COL4A3: variants seen among roughly 807,000 people sequenced by gnomAD.
The protein encoded by COL4A3 is collagen type IV alpha 3 chain.
COL4A3 carries 135 observed loss-of-function variants against 217.4 expected under a neutral mutation model. The ratio of observed to expected loss-of-function variants is 0.62; its 90% CI spans 0.54 to 0.72. The LOEUF (loss-of-function observed/expected upper bound fraction) is 0.72, where lower values mean the gene tolerates loss of function less well. Ranked by LOEUF, COL4A3 falls within the 30% of genes least tolerant of loss-of-function variation. The probability of loss-of-function intolerance (pLI) is 0.00; values close to 1 mark genes in which losing one functional copy is unlikely to be tolerated. For synonymous variants in COL4A3, 690 were observed against 736.3 expected (o/e 0.94, Z 1.02); for missense variants, 1,868 against 2,119.9 (o/e 0.88, Z 2.33).
At chr2:227,257,541 CT>C in intron 17 of COL4A3, 61 bp from the exon 18 acceptor site, 1 of 1,392,618 alleles carries the variant, frequency 7.2e-7, no homozygotes, top group Non-Finnish European at 1.0e-6. Flanking sequence ...GTACATCTTG[CT>C]TTTTATATGT....
At position 227,293,261 on chromosome 2, in the gene COL4A3, T is replaced by C. The variant is rs775409074; in HGVS notation, c.3281T>C (p.Leu1094Ser). ...GGGCAACCTGGCCCACCTGGACATT[T>C]GGGGCCTGCTGGACCTGAGGGAGCC... Reference protein sequence around the residue: ...EMGQPGPPGHLGPAGPEGAPG... With the variant: ...EMGQPGPPGHSGPAGPEGAPG... Residue 1094 changes from leucine to serine, a missense_variant, in exon 38 of 52, where the codon TTG (leucine) becomes TCG (serine). Around this residue, in one of 2 missense-constraint regions of COL4A3, gnomAD observed 1,503 missense variants for 1,786.1 expected, o/e 0.84. Transcript: ENST00000396578. 1.9e-6 allele frequency: 3 copies of C among 1,613,870 alleles called. No homozygotes were observed. The South Asian group carries it at 3.3e-5, about 18-fold the overall frequency.
chr2:227,194,053 G>GA (rs1553735385), intron 1 of COL4A3, among the ~76,000 whole-genome samples: 2 of 18,234 alleles, frequency 1.1e-4, no homozygotes, highest in African/African-American at 1.8e-4. Context: ...AAGAGAAGGA[G>GA]AGGAGAAGGA....
chr2:227,288,020 A>G lies in COL4A3; in HGVS notation c.2882-1130A>G, dbSNP rs570606694. Reference sequence around the variant, plus strand: ...TTGAGAAAAAGCACAAAGGCAGGCTATAGACAGATTGCAGAATGCTTCATG... The same window carrying G: ...TTGAGAAAAAGCACAAAGGCAGGCTGTAGACAGATTGCAGAATGCTTCATG... On this transcript the variant is annotated intron_variant, in intron 34 of 51. Coordinates refer to ENST00000396578, the MANE Select transcript of COL4A3 (RefSeq NM_000091.5). Among the ~76,000 whole-genome samples the G allele has an allele frequency of 8.5e-4, 130 of 152,360 alleles. 1 individual carries two copies. Among genetic ancestry groups the G allele is most frequent in the African/African-American group, 3.1e-3 (128 of 41,588 alleles).
At position 227,313,049 on chromosome 2, in the gene COL4A3, A is replaced by C. The variant is rs1244048684; in HGVS notation, c.*1179A>C. On this transcript the variant is annotated 3_prime_UTR_variant, in exon 52 of 52. Transcript: ENST00000396578. ...ATAACTTGGCCGCTGTATGTCTTAAAACCTGCTTTTCAATGTGTTGATACA... is the reference window on the plus strand; with the variant it reads ...ATAACTTGGCCGCTGTATGTCTTAACACCTGCTTTTCAATGTGTTGATACA... The C allele has an allele frequency of 6.6e-6, 1 of 152,592 alleles. No individual in the cohort carries two copies. The highest frequency in any genetic ancestry group is 2.4e-5 in the African/African-American group (1 of 41,436). 9.5% of individuals were successfully genotyped at this position (152,592 alleles called of 1,614,324 possible). A position where few individuals can be genotyped will look rare whatever the true frequency, so the allele number is the denominator to read the frequency against.
chr2:227,272,361 T>C (rs765781067), intron 25 of COL4A3, among the ~76,000 whole-genome samples: 12 of 152,236 alleles, frequency 7.9e-5, no homozygotes, highest in African/African-American at 2.9e-4. Flanking sequence ...TCTGATGATA[T>C]TGAACAATGA....
chr2:227,168,011 A>G (rs1013826628), intron 1 of COL4A3, among the ~76,000 whole-genome samples: 2 of 152,210 alleles, frequency 1.3e-5, no homozygotes, highest in Non-Finnish European at 2.9e-5. Context: ...TTATCACTCC[A>G]TATTATGTTT....
At chr2:227,175,500 A>G (rs1022925464) in intron 1 of COL4A3, among the ~76,000 whole-genome samples, 4 of 152,052 alleles carry the variant, frequency 2.6e-5, no homozygotes, top group Admixed American at 6.6e-5. Flanking sequence ...ACCAAGACAA[A>G]CAGAGCTTTT....
chr2:227,205,194 AAT>A (rs1456726000), intron 1 of COL4A3, among the ~76,000 whole-genome samples: 1 of 149,242 alleles, frequency 6.7e-6, no homozygotes, highest in Non-Finnish European at 1.5e-5. Flanking sequence ...GTATATTAAA[AAT>A]AGAGACTACA....
rs555436291 is a variant in COL4A3 at position 227,240,601 on chromosome 2, G to A, written c.234+369G>A. ...TTTGGGATTCCTTGTTCCACGAGGT[G>A]CCTCCCCTCTCTCCGGACATTCCAA... On this transcript the variant is annotated intron_variant, in intron 3 of 51. Transcript: ENST00000396578. Among the ~76,000 whole-genome samples, 16 of 152,258 alleles carry A rather than the reference G, an allele frequency of 1.1e-4. No individual in the cohort carries two copies. The East Asian group carries it at 2.9e-3, about 28-fold the overall frequency.
At chr2:227,197,556 G>A (rs886804804) in intron 1 of COL4A3, among the ~76,000 whole-genome samples, 1 of 152,032 alleles carries the variant, frequency 6.6e-6, no homozygotes, top group Non-Finnish European at 1.5e-5. Flanking sequence ...CCAAGACCAA[G>A]TAGTATTATT....
chr2:227,299,077 A>G (rs1185960222), intron 43 of COL4A3, among the ~76,000 whole-genome samples: 1 of 152,166 alleles, frequency 6.6e-6, no homozygotes, highest in East Asian at 1.9e-4. Context: ...AATGAGTGCC[A>G]AGCAAAAGGG....
At chr2:227,289,303 A>C in intron 35 of COL4A3, 55 bp downstream of exon 35, 4 of 1,405,468 alleles carry the variant, frequency 2.8e-6, no homozygotes, top group East Asian at 2.4e-5. Flanking sequence ...CCTACATCTA[A>C]AGTAATAAAA....
chr2:227,204,432 C>T (rs551094647), intron 1 of COL4A3, among the ~76,000 whole-genome samples: 2 of 151,906 alleles, frequency 1.3e-5, no homozygotes, highest in Non-Finnish European at 2.9e-5. Flanking sequence ...CACACTTATC[C>T]TTTACTATAG....
chr2:227,282,308 A>T lies in COL4A3; in HGVS notation c.2489-57A>T. On this transcript the variant is annotated intron_variant, in intron 31 of 51. Transcript: ENST00000396578. This position sits in a 1 kb window ranked among gnomAD's most constrained non-coding sequence, Gnocchi z 4.4. ...TATATATATATATATATATTTCTGA[A>T]GTTAGTAGGGGAAAGCATTTGTGGG... 9.6e-7 allele frequency: 1 copy of T among 1,046,292 alleles called. No individual in the cohort carries two copies. Among genetic ancestry groups the T allele is most frequent in the Non-Finnish European group, 1.4e-6 (1 of 690,250 alleles). The allele number at this position is 1,046,292 out of a possible 1,614,324, so 64.8% of individuals were successfully genotyped here.
intron 37 of COL4A3, among the ~76,000 whole-genome samples, chr2:227,291,562 C>CAAAAAAAAAAAA (rs869289707): frequency 2.9e-5 from 1 of 34,416 alleles, no homozygotes; most frequent in African/African-American, 1.8e-4. Context: ...GACTCCGTCT[C>CAAAAAAAAAAAA]AAAAAAAAAA....
chr2:227,287,607 TA>T (rs2072415753), intron 34 of COL4A3, among the ~76,000 whole-genome samples: 2 of 152,190 alleles, frequency 1.3e-5, no homozygotes, highest in African/African-American at 4.8e-5. Flanking sequence ...ATGAAAGTTG[TA>T]AAACAAAACA....
chr2:227,266,555 G>A (rs374149200), intron 22 of COL4A3, 46 bp downstream of exon 22: 307 of 1,418,696 alleles, frequency 2.2e-4, no homozygotes, highest in East Asian at 5.1e-4. Context: ...CTTTTTCATC[G>A]TCATTATTAT....
intron 1 of COL4A3, among the ~76,000 whole-genome samples, chr2:227,193,422 A>C (rs1387944518): frequency 6.6e-6 from 1 of 152,212 alleles, no homozygotes; most frequent in African/African-American, 2.4e-5. Context: ...AAGATTAGAA[A>C]TAAAATCCTG....
chr2:227,189,108 T>G (rs1162685056), intron 1 of COL4A3, among the ~76,000 whole-genome samples: 1 of 151,290 alleles, frequency 6.6e-6, no homozygotes, highest in Non-Finnish European at 1.5e-5. Context: ...AGAGAGAAGG[T>G]GAGTGTCTGG....
Sources: allele counts gnomAD v4.1 joint callset (sites outside exome capture counted in the v4.1 genomes callset), GRCh38; gene constraint gnomAD v4.1.1; regional missense constraint gnomAD v4.1.1; non-coding constraint Gnocchi (gnomAD v3.1); transcripts MANE v1.5; gene names NCBI Gene and HGNC (gene_info 2026-07-23, HGNC 2026-07-21).